Variants in TRANK1 observed in about 807,000 individuals in gnomAD.
TRANK1 encodes TPR and ankyrin repeat-containing protein 1.
A neutral mutation model predicts 266.0 loss-of-function variants in TRANK1; 198 were observed. The observed-to-expected ratio is 0.74, with a 90% CI of 0.66 to 0.84. The LOEUF (loss-of-function observed/expected upper bound fraction) is 0.84. TRANK1 is among the 40% of genes least tolerant of loss of function. TRANK1 has a pLI of 0.00. For missense variants in TRANK1, 3,326 were observed against 3,634.6 expected, an observed-to-expected ratio of 0.92 and a Z score of 2.18; for synonymous variants, 1,396 against 1,384.1, an observed-to-expected ratio of 1.01 and a Z score of -0.19.
At chr3:36,888,671 C>G (rs768161154) in intron 8 of TRANK1, among the ~76,000 whole-genome samples, 1 of 152,108 alleles carries the variant, frequency 6.6e-6, no homozygotes, top group Non-Finnish European at 1.5e-5. Flanking sequence ...CCAGAAGTCC[C>G]CAAAAGGAGG....
At chr3:36,901,926 C>A (rs962032092) in intron 3 of TRANK1, among the ~76,000 whole-genome samples, 25 of 152,206 alleles carry the variant, frequency 1.6e-4, no homozygotes, top group Admixed American at 1.3e-3. Flanking sequence ...ACTGTCCCAG[C>A]GAGAGGATTG....
intron 1 of TRANK1, among the ~76,000 whole-genome samples, chr3:36,941,395 G>A (rs1301471090): frequency 6.6e-6 from 1 of 152,230 alleles, no homozygotes; most frequent in Non-Finnish European, 1.5e-5. Context: ...ATGCTATGGT[G>A]AGCACAGGGC....
chr3:36,857,660 C>A lies in TRANK1; in HGVS notation c.2062G>T (p.Val688Leu). 2 of 1,614,030 alleles carry A rather than the reference C, an allele frequency of 1.2e-6. No individual in the cohort carries two copies. Among genetic ancestry groups the A allele is most frequent in the South Asian group, 2.2e-5 (2 of 91,076 alleles). Residue 688 changes from valine to leucine, a missense_variant, in exon 13 of 24, where the codon GTG (valine) becomes TTG (leucine). By Grantham distance (32) the Val-to-Leu change is conservative. Coordinates refer to ENST00000645898, the MANE Select transcript of TRANK1 (RefSeq NM_001329998.2). This position sits in a 1 kb window ranked among gnomAD's most constrained non-coding sequence, Gnocchi z 4.3. ...GTTCTGGCAGTGGCACCACATGGCA[C>A]TGACTTGAATGAACCCTGGGACTTG... ...QLKSQGSFKS[V>L]PCGATARTLP...
intron 9 of TRANK1, among the ~76,000 whole-genome samples, 151 bp downstream of exon 9, chr3:36,873,974 GC>G (rs2079347909): frequency 8.3e-6 from 1 of 121,192 alleles, no homozygotes; most frequent in Admixed American, 8.2e-5. Flanking sequence ...AAAAAAAAAA[GC>G]AAACAAGTTT....
chr3:36,857,069 T>C lies in TRANK1; in HGVS notation c.2653A>G (p.Ser885Gly). The stretch of plus-strand genomic sequence containing the variant: ...AGCTTAGCTTCGAAGAGCTGGATGC[T>C]TCCTTTCAGGTGCTTCAGTCGCTTC... Reference protein sequence around the residue: ...LQKRLKHLKGSIQLFEAKLDK... With the variant: ...LQKRLKHLKGGIQLFEAKLDK... Residue 885 changes from serine (S) to glycine (G), a missense_variant, in exon 13 of 24, where the codon AGC (serine) becomes GGC (glycine). Coordinates refer to ENST00000645898, the MANE Select transcript of TRANK1 (RefSeq NM_001329998.2). This position sits in a 1 kb window ranked among gnomAD's most constrained non-coding sequence, Gnocchi z 4.3. 6.2e-7 allele frequency: 1 copy of C among 1,614,044 alleles called. No homozygotes were observed. The highest frequency in any genetic ancestry group is 8.5e-7 in the Non-Finnish European group (1 of 1,179,884).
At chr3:36,894,718 G>C (rs1157719979) in intron 5 of TRANK1, among the ~76,000 whole-genome samples, 2 of 152,170 alleles carry the variant, frequency 1.3e-5, no homozygotes, top group Non-Finnish European at 2.9e-5. Context: ...CAAAATTTAA[G>C]AATTCTCTAT....
chr3:36,919,201 C>T (rs923081322), intron 1 of TRANK1, among the ~76,000 whole-genome samples: 5 of 152,168 alleles, frequency 3.3e-5, no homozygotes, highest in Admixed American at 2.0e-4. Context: ...CACTACTCTT[C>T]GGTGTTCAGC....
chr3:36,883,618 T>C (rs1234459818), intron 8 of TRANK1, among the ~76,000 whole-genome samples: 1 of 151,210 alleles, frequency 6.6e-6, no homozygotes, highest in Non-Finnish European at 1.5e-5. Flanking sequence ...GGCCTGAAAT[T>C]AAAGAAACTG....
intron 5 of TRANK1, among the ~76,000 whole-genome samples, chr3:36,893,446 C>T (rs1331003699): frequency 6.6e-6 from 1 of 152,150 alleles, no homozygotes; most frequent in Non-Finnish European, 1.5e-5. Flanking sequence ...GTGCTGCAGC[C>T]GGCTCCTATC....
At position 36,831,835 on chromosome 3, in the gene TRANK1, G is replaced by A; in HGVS notation, c.7748C>T (p.Pro2583Leu). 6.2e-7 allele frequency: 1 copy of A among 1,613,990 alleles called. No individual in the cohort carries two copies. Among genetic ancestry groups the A allele is most frequent in the Non-Finnish European group, 8.5e-7 (1 of 1,179,896 alleles). ...AEEILQPYCKPLLYRHFREIE... is the reference protein window; with the variant it reads ...AEEILQPYCKLLLYRHFREIE... ...CTCCCGGAAGTGGCGATACAGGAGA[G>A]GCTTGCAGTATGGCTGCAGGATCTC... Residue 2583 changes from proline to leucine, a missense_variant, in exon 22 of 24, where the codon CCT becomes CTT. Transcript: ENST00000645898. This position sits in a 1 kb window ranked among gnomAD's most constrained non-coding sequence, Gnocchi z 5.0.
At chr3:36,906,045 G>A (rs1001625750) in intron 2 of TRANK1, among the ~76,000 whole-genome samples, 1 of 152,128 alleles carries the variant, frequency 6.6e-6, no homozygotes, top group East Asian at 1.9e-4. Context: ...CATAGTGTGG[G>A]GTCAGTCTAC....
At chr3:36,938,209 T>C (rs991182435) in intron 1 of TRANK1, among the ~76,000 whole-genome samples, 1 of 150,922 alleles carries the variant, frequency 6.6e-6, no homozygotes, top group Admixed American at 6.6e-5. Flanking sequence ...TTTTGTTTGT[T>C]TGTTTGTTTT....
At chr3:36,878,860 C>A (rs751701628) in intron 8 of TRANK1, among the ~76,000 whole-genome samples, 17 of 151,330 alleles carry the variant, frequency 1.1e-4, no homozygotes, top group Non-Finnish European at 2.1e-4. Context: ...TTAATTAAAA[C>A]GTACTAGGAT....
At chr3:36,864,046 A>C (rs946322704) in intron 10 of TRANK1, among the ~76,000 whole-genome samples, 2 of 152,220 alleles carry the variant, frequency 1.3e-5, no homozygotes, top group Non-Finnish European at 2.9e-5. Flanking sequence ...AAATATCTAT[A>C]GTATTTTTTA....
At chr3:36,840,742 G>C (rs2078832940) in intron 18 of TRANK1, among the ~76,000 whole-genome samples, 1 of 152,116 alleles carries the variant, frequency 6.6e-6, no homozygotes. Flanking sequence ...AGTCACCCCT[G>C]TCCCCCCGGT....
At chr3:36,862,512 A>T (rs2125554954) in intron 10 of TRANK1, among the ~76,000 whole-genome samples, 1 of 152,262 alleles carries the variant, frequency 6.6e-6, no homozygotes, top group Non-Finnish European at 1.5e-5. Flanking sequence ...CTATTCACTC[A>T]TCATCTGGTA....
chr3:36,871,260 C>T (rs1193800645), intron 9 of TRANK1, among the ~76,000 whole-genome samples: 3 of 151,884 alleles, frequency 2.0e-5, no homozygotes, highest in African/African-American at 4.8e-5. Flanking sequence ...TGGTGGTGCA[C>T]GCCTGTAATC....
intron 15 of TRANK1, 36 bp from the exon 16 acceptor site, chr3:36,847,382 A>G: frequency 6.2e-7 from 1 of 1,609,910 alleles, no homozygotes; most frequent in Non-Finnish European, 8.5e-7. Flanking sequence ...CCAACAGAAT[A>G]TGCTTTTGAA....
At position 36,832,684 on chromosome 3, in the gene TRANK1, A is replaced by T. The variant is rs960193126; in HGVS notation, c.6899T>A (p.Phe2300Tyr). The change falls in exon 22 of 24, where the codon TTC becomes TAC. Residue 2300 changes from phenylalanine (F) to tyrosine (Y), a missense_variant. By Grantham distance (22) the Phe-to-Tyr change is conservative. Coordinates refer to ENST00000645898, the MANE Select transcript of TRANK1 (RefSeq NM_001329998.2). ...KEILKPNYKS[F>Y]RFYRFALKEY... ...CTTCAAAGCAAATCTGTAGAACCGGAAGGATTTGTAATTTGGTTTGAGGAT... is the reference window on the plus strand; with the variant it reads ...CTTCAAAGCAAATCTGTAGAACCGGTAGGATTTGTAATTTGGTTTGAGGAT... 1.4e-5 allele frequency: 22 copies of T among 1,613,890 alleles called. No homozygotes were observed. Among genetic ancestry groups the T allele is most frequent in the Non-Finnish European group, 1.6e-5 (19 of 1,179,914 alleles).
Sources: gnomAD v4.1 joint callset for allele counts (sites outside exome capture counted in the v4.1 genomes callset) on GRCh38, gnomAD v4.1.1 for gene constraint, Gnocchi (gnomAD v3.1) non-coding constraint, MANE v1.5 for transcripts, NCBI Gene and HGNC (gene_info 2026-07-23, HGNC 2026-07-21) for gene names.